DLGAP1: variants seen among roughly 807,000 people sequenced by gnomAD.
The protein encoded by DLGAP1 is disks large-associated protein 1.
Under a neutral mutation model 90.8 loss-of-function variants are expected in DLGAP1, and 11 were observed. That is an observed-to-expected ratio of 0.12 (90% CI 0.08 to 0.20). The LOEUF is 0.20. Among genes scored for constraint, DLGAP1 ranks in the 10% least tolerant of loss-of-function variants. DLGAP1 has a pLI of 1.00. For synonymous variants in DLGAP1, 558 were observed against 540.7 expected, an observed-to-expected ratio of 1.03 and a Z score of -0.44; for missense variants, 1,050 against 1,333.8, an observed-to-expected ratio of 0.79 and a Z score of 3.31.
chr18:4,236,100 C>CACTT (rs2078409320), intron 1 of DLGAP1, among the ~76,000 whole-genome samples: 2 of 152,132 alleles, frequency 1.3e-5, no homozygotes, highest in African/African-American at 2.4e-5. Flanking sequence ...TTGCCTCAGC[C>CACTT]ACTTAGTTTT....
chr18:4,159,211 A>G (rs995276966), intron 1 of DLGAP1, among the ~76,000 whole-genome samples: 12 of 152,180 alleles, frequency 7.9e-5, no homozygotes, highest in Non-Finnish European at 1.3e-4. Context: ...AGTAGCTGCC[A>G]GAGAGTCCTT....
rs1164747667 is a variant in DLGAP1, at chr18:4,146,760, CTGT to C, written c.-159+4417_-159+4419del. ...AATTTTCAAGCATTCATATTATCAT[CTGT>C]TGTTGTTATTTATGCTAATATATGA... On this transcript the variant is annotated intron_variant, in intron 2 of 12. Coordinates refer to ENST00000315677, the MANE Select transcript of DLGAP1 (RefSeq NM_004746.4). Among the ~76,000 whole-genome samples the C allele has an allele frequency of 7.2e-5, 11 of 151,956 alleles. No individual in the cohort carries two copies. In the East Asian group the frequency reaches 7.7e-4, roughly 11 times the overall value.
chr18:3,752,429 T>C (rs925141658), intron 5 of DLGAP1, among the ~76,000 whole-genome samples: 7 of 152,246 alleles, frequency 4.6e-5, no homozygotes, highest in East Asian at 1.9e-4. Flanking sequence ...GGACACTTCA[T>C]GTACATGGAA....
chr18:4,430,709 G>A (rs368606816), intron 1 of DLGAP1: 2 of 152,306 alleles, frequency 1.3e-5, no homozygotes, highest in East Asian at 1.9e-4. Context: ...GTATGGCCAA[G>A]CCTGGATTCC....
chr18:3,586,600 G>A (rs1415130966), intron 7 of DLGAP1, among the ~76,000 whole-genome samples: 1 of 152,006 alleles, frequency 6.6e-6, no homozygotes, highest in East Asian at 1.9e-4. Flanking sequence ...GTGGCACAAC[G>A]GGCGCATGCC....
At chr18:3,937,204 CA>C (rs2072661885) in intron 3 of DLGAP1, among the ~76,000 whole-genome samples, 1 of 152,168 alleles carries the variant, frequency 6.6e-6, no homozygotes, top group African/African-American at 2.4e-5. Flanking sequence ...AACATGATAA[CA>C]AACGTGTATT....
intron 7 of DLGAP1, among the ~76,000 whole-genome samples, chr18:3,709,665 G>C (rs2061541710): frequency 6.6e-6 from 1 of 152,188 alleles, no homozygotes. Context: ...GTATTGACAT[G>C]AAAAGTCAAT....
intron 1 of DLGAP1, among the ~76,000 whole-genome samples, chr18:4,305,534 CAA>C (rs562977821): frequency 1.8e-4 from 13 of 73,062 alleles, no homozygotes; most frequent in Admixed American, 4.6e-4. Context: ...AACTCCGTCT[CAA>C]AAAAAAAAAA....
chr18:4,171,483 T>C (rs2077024170), intron 1 of DLGAP1, among the ~76,000 whole-genome samples: 1 of 150,808 alleles, frequency 6.6e-6, no homozygotes, highest in Non-Finnish European at 1.5e-5. Flanking sequence ...GAGAATGGCG[T>C]GAACTCGGAA....
chr18:3,718,821 G>A (rs2061855163), intron 7 of DLGAP1, among the ~76,000 whole-genome samples: 1 of 151,744 alleles, frequency 6.6e-6, no homozygotes, highest in Non-Finnish European at 1.5e-5. Flanking sequence ...AGCTACTCAG[G>A]AGGCTGAGGC....
At chr18:4,392,078 C>T (rs988173757) in intron 1 of DLGAP1, among the ~76,000 whole-genome samples, 6 of 152,102 alleles carry the variant, frequency 3.9e-5, no homozygotes, top group East Asian at 3.9e-4. Flanking sequence ...TTTCCCCTGA[C>T]GAAAGTGGGT....
At chr18:3,864,014 G>T (rs751274290) in intron 4 of DLGAP1, among the ~76,000 whole-genome samples, 3 of 152,170 alleles carry the variant, frequency 2.0e-5, no homozygotes, top group African/African-American at 7.2e-5. Flanking sequence ...ATTTCTACCA[G>T]CTGAGTGGTC....
intron 1 of DLGAP1, among the ~76,000 whole-genome samples, chr18:4,158,414 G>T (rs1295761332): frequency 6.6e-6 from 1 of 152,062 alleles, no homozygotes; most frequent in Non-Finnish European, 1.5e-5. Flanking sequence ...CCGAATAAGG[G>T]ACCTGCATTT....
At chr18:4,452,153 TCTC>T (rs1440255879) in intron 1 of DLGAP1, among the ~76,000 whole-genome samples, 2 of 152,108 alleles carry the variant, frequency 1.3e-5, no homozygotes, top group African/African-American at 4.8e-5. Context: ...ACCAATTTCC[TCTC>T]CTCTGATAAA....
chr18:3,860,086 G>A (rs1568250193), intron 4 of DLGAP1, among the ~76,000 whole-genome samples: 1 of 97,656 alleles, frequency 1.0e-5, no homozygotes, highest in East Asian at 2.6e-4. Context: ...GCGACAGAGC[G>A]AGACTCTGTC....
intron 1 of DLGAP1, among the ~76,000 whole-genome samples, chr18:4,311,157 TGATAA>T (rs769222083): frequency 1.3e-5 from 2 of 152,224 alleles, no homozygotes; most frequent in Non-Finnish European, 2.9e-5. Context: ...TAGGCCTACT[TGATAA>T]GATGTGTTCT....
chr18:3,690,156 A>C (rs2060845104), intron 7 of DLGAP1, among the ~76,000 whole-genome samples: 1 of 142,030 alleles, frequency 7.0e-6, no homozygotes, highest in Admixed American at 7.6e-5. Flanking sequence ...GTGCAATCAC[A>C]GCTCACTGCG....
At chr18:3,984,066 T>C (rs896685047) in intron 3 of DLGAP1, 3 of 152,192 alleles carry the variant, frequency 2.0e-5, no homozygotes, top group African/African-American at 7.2e-5. Context: ...TGGAAAAGCT[T>C]CTGAAACTTC....
At chr18:4,398,616 G>A (rs182583603) in intron 1 of DLGAP1, among the ~76,000 whole-genome samples, 1 of 152,310 alleles carries the variant, frequency 6.6e-6, no homozygotes, top group East Asian at 1.9e-4. Flanking sequence ...CATTATTGCT[G>A]CTATGAAAAG....
Sources: gnomAD v4.1 joint callset for allele counts (sites outside exome capture counted in the v4.1 genomes callset) on GRCh38, gnomAD v4.1.1 for gene constraint, MANE v1.5 for transcripts, NCBI Gene and HGNC (gene_info 2026-07-23, HGNC 2026-07-21) for gene names.